The following IL18R1 variants were observed in gnomAD, a reference collection of about 807,000 sequenced individuals.
The protein encoded by IL18R1 is interleukin-18 receptor 1.
In IL18R1, 40 loss-of-function variants were observed where a neutral mutation model predicts 48.5. That is an observed-to-expected ratio of 0.82 (90% confidence interval 0.64 to 1.07). The LOEUF (loss-of-function observed/expected upper bound fraction) is 1.07. Ranked by LOEUF, IL18R1 falls within the 50% of genes least tolerant of loss-of-function variation. The pLI, the probability that IL18R1 is intolerant of heterozygous loss-of-function variation, is 0.00. For synonymous variants in IL18R1, 232 were observed against 225.9 expected, an observed-to-expected ratio of 1.03 and a Z score of -0.24; for missense variants, 596 against 633.7, an observed-to-expected ratio of 0.94 and a Z score of 0.64.
intron 3 of IL18R1, 49 bp downstream of exon 3, chr2:102,368,117 T>A: frequency 6.2e-7 from 1 of 1,603,550 alleles, no homozygotes; most frequent in Non-Finnish European, 8.5e-7. Context: ...CTCTTGTCCT[T>A]TGTTCAGCAA....
intron 1 of IL18R1, among the ~76,000 whole-genome samples, chr2:102,357,214 G>A (rs1678300981): frequency 6.6e-6 from 1 of 152,164 alleles, no homozygotes; most frequent in Admixed American, 6.5e-5. Flanking sequence ...GCCTAGGAAT[G>A]TGGATTGAAA....
At chr2:102,359,012 T>C (rs1003322469) in intron 1 of IL18R1, among the ~76,000 whole-genome samples, 2 of 152,052 alleles carry the variant, frequency 1.3e-5, no homozygotes, top group Non-Finnish European at 2.9e-5. Context: ...AACATTGGTG[T>C]GTGTGAGCAT....
intron 1 of IL18R1, among the ~76,000 whole-genome samples, chr2:102,358,278 A>G (rs1019121853): frequency 1.4e-4 from 21 of 152,172 alleles, no homozygotes; most frequent in African/African-American, 4.6e-4. Context: ...GGACCCATAA[A>G]CAAGGGCAAC....
intron 2 of IL18R1, among the ~76,000 whole-genome samples, chr2:102,366,249 C>G (rs11465586): frequency 0.11 from 16,508 of 152,218 alleles, 987 homozygotes; most frequent in Non-Finnish European, 0.13. Flanking sequence ...AATCGTCTCT[C>G]AAGTTCAAAG....
intron 4 of IL18R1, 36 bp downstream of exon 4, chr2:102,372,154 A>G (rs1193961163): frequency 1.7e-5 from 25 of 1,502,950 alleles, no homozygotes; most frequent in Non-Finnish European, 2.2e-5. Context: ...TTAAGACTTG[A>G]TGGAAAAGAT....
intron 9 of IL18R1, among the ~76,000 whole-genome samples, chr2:102,390,959 A>G (rs866237475): frequency 4.1e-4 from 57 of 139,024 alleles, no homozygotes; most frequent in Middle Eastern, 7.9e-3. Context: ...AAGAGAGAGA[A>G]AAAGAACCCC....
chr2:102,378,895 A>T (rs1184755013), intron 5 of IL18R1, among the ~76,000 whole-genome samples: 1 of 152,222 alleles, frequency 6.6e-6, no homozygotes, highest in Non-Finnish European at 1.5e-5. Context: ...GTTGGGGAAG[A>T]CAGCCAGGAG....
At chr2:102,385,856 G>A (rs1680194246) in intron 7 of IL18R1, among the ~76,000 whole-genome samples, 1 of 152,136 alleles carries the variant, frequency 6.6e-6, no homozygotes, top group Non-Finnish European at 1.5e-5. Flanking sequence ...TCTCCCTTTG[G>A]ATAATCTCTT....
intron 2 of IL18R1, among the ~76,000 whole-genome samples, chr2:102,363,996 C>A (rs1395521637): frequency 6.6e-6 from 1 of 152,154 alleles, no homozygotes; most frequent in Non-Finnish European, 1.5e-5. Context: ...TTCCAACAAG[C>A]ATTATGGTAA....
At chr2:102,370,306 G>A (rs1679177729) in intron 3 of IL18R1, among the ~76,000 whole-genome samples, 2 of 152,210 alleles carry the variant, frequency 1.3e-5, no homozygotes, top group South Asian at 2.1e-4. Flanking sequence ...GAACAATGTA[G>A]TCTGAAAAAA....
Position 102,398,304 on chromosome 2 carries a change from C to T in IL18R1, c.*1418C>T, listed in dbSNP as rs1680923461. ...AAAAATAATAGCTATTCAAGAAAAT[C>T]ACCAAGTGACTGTGAAACCGTCAGT... is the stretch of plus-strand genomic sequence containing the variant. On this transcript the variant is annotated 3_prime_UTR_variant, in exon 11 of 11. Coordinates refer to ENST00000233957, the MANE Select transcript of IL18R1 (RefSeq NM_003855.5). 6.6e-6 allele frequency: 1 copy of T among 152,364 alleles called. No individual in the cohort carries two copies. The highest frequency in any genetic ancestry group is 1.5e-5 in the Non-Finnish European group (1 of 68,044). The allele number at this position is 152,364 out of a possible 1,614,324, so 9.4% of individuals were successfully genotyped here.
At position 102,390,062 on chromosome 2, in the gene IL18R1, T is replaced by G. The variant is rs1478047782; in HGVS notation, c.956T>G (p.Met319Arg). The change falls in exon 9 of 11, where the codon ATG (methionine) becomes AGG (arginine). Residue 319 changes from methionine (M) to arginine (R), a missense_variant. This residue lies in a region of IL18R1 where 57 missense variants were observed against 88.2 expected (regional missense o/e 0.65). Coordinates refer to ENST00000233957, the MANE Select transcript of IL18R1 (RefSeq NM_003855.5). ...TTTTCCCTTTCTTTTCTAGCAGACA[T>G]GGCTGATATCCCAGGCCACGTCTTC... ...KSFILVRKAD[M>R]ADIPGHVFTR... 3.7e-6 allele frequency: 6 copies of G among 1,614,026 alleles called. No individual in the cohort carries two copies. Among genetic ancestry groups the G allele is most frequent in the Non-Finnish European group, 3.4e-6 (4 of 1,179,948 alleles).
chr2:102,359,693 G>C (rs1312927271), intron 1 of IL18R1, among the ~76,000 whole-genome samples: 1 of 152,190 alleles, frequency 6.6e-6, no homozygotes, highest in Non-Finnish European at 1.5e-5. Context: ...GATAGATGCT[G>C]TCTTGTGCTA....
intron 8 of IL18R1, among the ~76,000 whole-genome samples, chr2:102,387,900 CAGAG>C (rs1299781613): frequency 6.6e-6 from 1 of 151,426 alleles, no homozygotes; most frequent in African/African-American, 2.4e-5. Flanking sequence ...GACAGAGACA[CAGAG>C]AGACAGAGAA....
chr2:102,356,246 C>A lies in IL18R1; in HGVS notation c.-183C>A. 10 of 488,300 alleles carry A rather than the reference C, an allele frequency of 2.0e-5. No individual in the cohort carries two copies. Among genetic ancestry groups the A allele is most frequent in the East Asian group, 1.5e-4 (1 of 6,552 alleles). 30.2% of individuals were successfully genotyped at this position (488,300 alleles called of 1,614,324 possible). A position where few individuals can be genotyped will look rare whatever the true frequency, so the allele number is the denominator to read the frequency against. On this transcript the variant is annotated 5_prime_UTR_variant, in exon 1 of 11. Coordinates refer to ENST00000233957, the MANE Select transcript of IL18R1 (RefSeq NM_003855.5). ...TTGTAGCCCTCTCTGGGTGCCTTAT[C>A]TCTTTAATCACACCTCTCTTTCACT...
At chr2:102,370,241 T>A (rs936714332) in intron 3 of IL18R1, among the ~76,000 whole-genome samples, 2 of 152,222 alleles carry the variant, frequency 1.3e-5, no homozygotes, top group African/African-American at 4.8e-5. Flanking sequence ...ACATGGAGTG[T>A]CATCAGTCCT....
chr2:102,365,789 A>C (rs1365331255), intron 2 of IL18R1, among the ~76,000 whole-genome samples: 1 of 152,170 alleles, frequency 6.6e-6, no homozygotes, highest in Non-Finnish European at 1.5e-5. Context: ...ACTTTTGTGC[A>C]CCTGCAGCCT....
At chr2:102,382,928 T>C (rs1680003033) in intron 6 of IL18R1, among the ~76,000 whole-genome samples, 1 of 152,240 alleles carries the variant, frequency 6.6e-6, no homozygotes, top group African/African-American at 2.4e-5. Flanking sequence ...TTAATTATCC[T>C]CTGGTAGTAT....
At position 102,377,791 on chromosome 2, in the gene IL18R1, C is replaced by G. The variant is rs10178584; in HGVS notation, c.625+1728C>G. On this transcript the variant is annotated intron_variant, in intron 5 of 10. Coordinates refer to ENST00000233957, the MANE Select transcript of IL18R1 (RefSeq NM_003855.5). ...GGACCTTGAGACAGCATTGTGCCCA[C>G]CTAGATAATCCAGGGTGATCCCCCT... is the stretch of plus-strand genomic sequence containing the variant. Among the ~76,000 whole-genome samples the G allele has an allele frequency of 5.4e-3, 827 of 152,290 alleles. 16 individuals are homozygous for G. Among genetic ancestry groups the G allele is most frequent in the African/African-American group, 0.019 (794 of 41,560 alleles).
Sources: allele counts gnomAD v4.1 joint callset (sites outside exome capture counted in the v4.1 genomes callset), GRCh38; gene constraint gnomAD v4.1.1; regional missense constraint gnomAD v4.1.1; transcripts MANE v1.5; gene names NCBI Gene and HGNC (gene_info 2026-07-23, HGNC 2026-07-21).